Variants in DAB1 observed in about 807,000 individuals in gnomAD.
DAB1 encodes the protein disabled homolog 1.
A neutral mutation model predicts 64.6 loss-of-function variants in DAB1; 15 were observed. The ratio of observed to expected loss-of-function variants is 0.23; its 90% CI spans 0.16 to 0.36. DAB1 has a LOEUF of 0.36. DAB1 is among the 10% of genes least tolerant of loss of function. DAB1 has a pLI of 1.00. For synonymous variants in DAB1, 235 were observed against 251.9 expected (o/e 0.93, Z 0.64); for missense variants, 596 against 706.7 (o/e 0.84, Z 1.78).
At chr1:58,318,927 T>C (rs774829725) in intron 4 of DAB1, among the ~76,000 whole-genome samples, 2 of 152,188 alleles carry the variant, frequency 1.3e-5, no homozygotes, top group East Asian at 3.8e-4. Flanking sequence ...ACATTGGTTC[T>C]AGAAGGACAA....
chr1:57,448,915 T>C (rs1035195328), intron 7 of DAB1, among the ~76,000 whole-genome samples: 7 of 152,222 alleles, frequency 4.6e-5, no homozygotes, highest in African/African-American at 1.2e-4. Context: ...GTTGGTTACA[T>C]GTTCATTTTC....
intron 2 of DAB1, among the ~76,000 whole-genome samples, chr1:57,279,914 C>T (rs1472575900): frequency 6.6e-6 from 1 of 152,196 alleles, no homozygotes; most frequent in African/African-American, 2.4e-5. Flanking sequence ...TCATCATTCC[C>T]TCCTCTTGCT....
chr1:57,191,591 A>C (rs1020874590), intron 2 of DAB1, among the ~76,000 whole-genome samples: 1 of 152,152 alleles, frequency 6.6e-6, no homozygotes, highest in South Asian at 2.1e-4. Flanking sequence ...AGAAAGTTTA[A>C]CAGTGTTCTA....
At chr1:57,552,366 T>A (rs926888004) in intron 7 of DAB1, among the ~76,000 whole-genome samples, 6 of 152,172 alleles carry the variant, frequency 3.9e-5, no homozygotes, top group Non-Finnish European at 8.8e-5. Flanking sequence ...CTGCTTTCAA[T>A]TAACTCACTG....
chr1:58,111,796 G>C (rs1021552064), intron 5 of DAB1, among the ~76,000 whole-genome samples: 1 of 151,500 alleles, frequency 6.6e-6, no homozygotes, highest in African/African-American at 2.4e-5. Context: ...CTCTCTCTCA[G>C]CTCTGAACTG....
At chr1:58,496,716 A>AT (rs1645809265) in intron 3 of DAB1, among the ~76,000 whole-genome samples, 1 of 152,000 alleles carries the variant, frequency 6.6e-6, no homozygotes, top group Non-Finnish European at 1.5e-5. Context: ...TACCGTTCTG[A>AT]TTTTTTAAAA....
chr1:57,148,986 C>A (rs1659408566), intron 2 of DAB1, among the ~76,000 whole-genome samples: 1 of 152,190 alleles, frequency 6.6e-6, no homozygotes, highest in African/African-American at 2.4e-5. Flanking sequence ...GCCCTGTACC[C>A]ATTAGCTGTC....
At chr1:58,368,722 C>T (rs897339050) in intron 3 of DAB1, among the ~76,000 whole-genome samples, 8 of 152,128 alleles carry the variant, frequency 5.3e-5, no homozygotes, top group Non-Finnish European at 1.0e-4. Flanking sequence ...CTTATACAAG[C>T]CCTCTATCCA....
chr1:58,046,414 A>T (rs1241623131), intron 5 of DAB1, among the ~76,000 whole-genome samples: 2 of 152,164 alleles, frequency 1.3e-5, no homozygotes, highest in African/African-American at 4.8e-5. Flanking sequence ...CATAGAACAC[A>T]TTTACATAAA....
intron 4 of DAB1, among the ~76,000 whole-genome samples, chr1:58,322,177 T>A (rs988735897): frequency 8.5e-5 from 13 of 152,186 alleles, no homozygotes; most frequent in African/African-American, 3.1e-4. Flanking sequence ...GACATAGGCA[T>A]GGGCAAAGAC....
intron 3 of DAB1, among the ~76,000 whole-genome samples, chr1:58,392,329 A>G (rs761771188): frequency 5.3e-5 from 8 of 152,186 alleles, no homozygotes; most frequent in African/African-American, 1.2e-4. Context: ...TTCAAATCAT[A>G]TGCAAATTTC....
chr1:57,934,031 G>A (rs1216452007), intron 5 of DAB1, among the ~76,000 whole-genome samples: 1 of 151,556 alleles, frequency 6.6e-6, no homozygotes, highest in Non-Finnish European at 1.5e-5. Flanking sequence ...GAGTAGCTGG[G>A]ATTATAGGCG....
chr1:57,533,070 G>A (rs953367116), intron 7 of DAB1, among the ~76,000 whole-genome samples: 3 of 152,064 alleles, frequency 2.0e-5, no homozygotes, highest in South Asian at 4.2e-4. Flanking sequence ...TCTCACTCCG[G>A]AGACAAAGTT....
At chr1:57,786,995 C>A (rs974117191) in intron 6 of DAB1, among the ~76,000 whole-genome samples, 3 of 151,774 alleles carry the variant, frequency 2.0e-5, no homozygotes, top group African/African-American at 4.8e-5. Flanking sequence ...ATTAAAAAAA[C>A]CAGTGAGAGA....
chr1:58,156,616 C>A (rs537246382), intron 4 of DAB1, among the ~76,000 whole-genome samples: 1 of 152,080 alleles, frequency 6.6e-6, no homozygotes, highest in South Asian at 2.1e-4. Flanking sequence ...GGGCAGGGTA[C>A]CTAGTCCTGA....
intron 7 of DAB1, among the ~76,000 whole-genome samples, chr1:57,438,897 C>T (rs972339783): frequency 2.0e-5 from 3 of 152,174 alleles, no homozygotes; most frequent in Non-Finnish European, 2.9e-5. Flanking sequence ...CTACTCATCT[C>T]TACCTCATTT....
intron 1 of DAB1, among the ~76,000 whole-genome samples, chr1:57,360,403 G>T (rs779829254): frequency 6.6e-6 from 1 of 151,980 alleles, no homozygotes; most frequent in Non-Finnish European, 1.5e-5. Context: ...ATCCAATTTG[G>T]ATAAGCCCAT....
intron 5 of DAB1, among the ~76,000 whole-genome samples, chr1:58,041,613 G>C (rs1647137687): frequency 6.6e-6 from 1 of 152,218 alleles, no homozygotes; most frequent in Non-Finnish European, 1.5e-5. Context: ...AGAGTACACA[G>C]TGGAGATTCC....
At chr1:58,015,018 A>G (rs1646718796) in intron 5 of DAB1, among the ~76,000 whole-genome samples, 1 of 152,208 alleles carries the variant, frequency 6.6e-6, no homozygotes, top group Non-Finnish European at 1.5e-5. Context: ...TTTAATCAGC[A>G]AAACTGCAGG....
Sources: gnomAD v4.1 joint callset for allele counts (sites outside exome capture counted in the v4.1 genomes callset) on GRCh38, gnomAD v4.1.1 for gene constraint, MANE v1.5 for transcripts, NCBI Gene and HGNC (gene_info 2026-07-23, HGNC 2026-07-21) for gene names.